The following FREM1 variants were observed in gnomAD, a reference collection of about 807,000 sequenced individuals.
The protein encoded by FREM1 is FRAS1-related extracellular matrix protein 1.
Under a neutral mutation model 210.1 loss-of-function variants are expected in FREM1, and 220 were observed. The observed-to-expected ratio is 1.05, with a 90% CI of 0.94 to 1.17. The LOEUF (loss-of-function observed/expected upper bound fraction) is 1.17, where lower values mean the gene tolerates loss of function less well. Ranked by LOEUF, FREM1 falls within the 50% of genes most tolerant of loss-of-function variation. FREM1 has a pLI of 0.00. For missense variants in FREM1, 3,454 were observed against 2,675.5 expected (o/e 1.29, Z -6.42); for synonymous variants, 1,189 against 980.2 (o/e 1.21, Z -3.98).
intron 5 of FREM1, 109 bp from the exon 6 acceptor site, chr9:14,851,716 T>G: frequency 2.2e-6 from 2 of 900,720 alleles, no homozygotes; most frequent in Non-Finnish European, 3.6e-6. Context: ...CGTCTAGCAG[T>G]GACCTGAAGC....
chr9:14,868,753 G>T lies in FREM1; in HGVS notation c.225C>A (p.Leu75=). 3.1e-6 allele frequency: 5 copies of T among 1,607,784 alleles called. No homozygotes were observed. The highest frequency in any genetic ancestry group is 4.3e-6 in the Non-Finnish European group (5 of 1,176,004). The change falls in exon 2 of 37, where the codon CTC becomes CTA. Residue 75 remains leucine, a synonymous_variant. Coordinates refer to ENST00000380880, the MANE Select transcript of FREM1 (RefSeq NM_001379081.2). ...CGCAGATAGGACCTACCTGTGGAGT[G>T]AGTTTCCCAACCCTCTGGGTTATTG... ...NEPITQRVGK[L]TPQVFDCHFL...
intron 3 of FREM1, among the ~76,000 whole-genome samples, chr9:14,862,058 G>A (rs1188847211): frequency 6.6e-6 from 1 of 152,158 alleles, no homozygotes; most frequent in Non-Finnish European, 1.5e-5. Context: ...AAGATCAAAT[G>A]GCCCTGTATG....
intron 3 of FREM1, among the ~76,000 whole-genome samples, chr9:14,863,123 T>C (rs958501256): frequency 4.6e-5 from 7 of 151,980 alleles, no homozygotes; most frequent in African/African-American, 1.5e-4. Context: ...AGGCAGATCA[T>C]GTGGTCAGGA....
rs886063774 is a variant in FREM1 at position 14,909,931 on chromosome 9, T to C, written c.-285A>G. 6.6e-6 allele frequency: 1 copy of C among 152,230 alleles called. No individual in the cohort carries two copies. Among genetic ancestry groups the C allele is most frequent in the East Asian group, 1.9e-4 (1 of 5,202 alleles). The allele number at this position is 152,230 out of a possible 1,614,324, so 9.4% of individuals were successfully genotyped here. A position where few individuals can be genotyped will look rare whatever the true frequency, so the allele number is the denominator to read the frequency against. On this transcript the variant is annotated 5_prime_UTR_variant, in exon 1 of 37. Transcript: ENST00000380880. ...ATACTTACAGGTAGTGGTTTTCCTT[T>C]CCAAGACAAAAAGTTAGAAACCCTT...
chr9:14,812,986 C>A lies in FREM1; in HGVS notation c.2719G>T (p.Val907Leu). The stretch of plus-strand genomic sequence containing the variant: ...AAAATGTATTCAGAGGTGATGACCA[C>A]CTCTCCTCCCTCTGAGCAATTCATG... ...PVMNCSEGGEVVITSEYIFAT... is the reference protein window; with the variant it reads ...PVMNCSEGGELVITSEYIFAT... The change falls in exon 16 of 37, where the codon GTG becomes TTG. Residue 907 changes from valine to leucine, a missense_variant. Transcript: ENST00000380880. The A allele has an allele frequency of 6.2e-7, 1 of 1,613,916 alleles. No individual in the cohort carries two copies. Among genetic ancestry groups the A allele is most frequent in the Non-Finnish European group, 8.5e-7 (1 of 1,179,842 alleles).
intron 1 of FREM1, among the ~76,000 whole-genome samples, chr9:14,876,740 T>C (rs1833830538): frequency 6.6e-6 from 1 of 152,158 alleles, no homozygotes; most frequent in South Asian, 2.1e-4. Context: ...GTACCTCAGA[T>C]GGAAATACAG....
intron 5 of FREM1, among the ~76,000 whole-genome samples, chr9:14,852,799 T>C (rs1828017349): frequency 6.6e-6 from 1 of 152,210 alleles, no homozygotes; most frequent in African/African-American, 2.4e-5. Flanking sequence ...ATTAGTCCCA[T>C]ACTGCTGAAC....
intron 23 of FREM1, among the ~76,000 whole-genome samples, chr9:14,786,578 T>C (rs1850456978): frequency 6.6e-6 from 1 of 152,070 alleles, no homozygotes; most frequent in South Asian, 2.1e-4. Flanking sequence ...TAACTGGGAG[T>C]TGCTACTGGC....
In FREM1 at chr9:14,805,315, C is replaced by T. The variant is rs1442007165; in HGVS notation, c.3275-163G>A. On this transcript the variant is annotated intron_variant, in intron 18 of 36. Coordinates refer to ENST00000380880, the MANE Select transcript of FREM1 (RefSeq NM_001379081.2). ...TATCAAGGGCTGCTACAACAGCCAA[C>T]CATCAACATAAAGGCAGATATCCAC... 2.6e-5 allele frequency among the ~76,000 whole-genome samples: 4 copies of T among 152,268 alleles called. No individual in the cohort carries two copies. In the East Asian group the frequency reaches 7.7e-4, roughly 29 times the overall value.
rs1275095081 is a variant in FREM1, at chr9:14,757,372, T to A, written c.5335-926A>T. On this transcript the variant is annotated intron_variant, in intron 28 of 36. Coordinates refer to ENST00000380880, the MANE Select transcript of FREM1 (RefSeq NM_001379081.2). ...GAGTTCAAGACCAACCTGGCCAACA[T>A]GGTGAAACCCCGTCTCTACCAAAAA... 2.0e-5 allele frequency among the ~76,000 whole-genome samples: 3 copies of A among 152,096 alleles called. No homozygotes were observed. The East Asian group carries it at 5.8e-4, about 29-fold the overall frequency.
intron 1 of FREM1, among the ~76,000 whole-genome samples, chr9:14,891,290 A>G (rs893613966): frequency 6.6e-6 from 1 of 152,232 alleles, no homozygotes; most frequent in Non-Finnish European, 1.5e-5. Context: ...CATTCATTGT[A>G]CAAACAATTG....
chr9:14,784,388 A>G lies in FREM1; in HGVS notation c.4424T>C (p.Val1475Ala). The G allele has an allele frequency of 6.2e-7, 1 of 1,613,578 alleles. No homozygotes were observed. ...VCYVHKSKVT[V>A]SSDRFRFIIS... is the part of the protein sequence containing the mutation. ...GGCTCACCTGAATCTGTCACTGGAG[A>G]CAGTCACCTTGCTCTTGTGTACATA... The change falls in exon 24 of 37, where the codon GTC becomes GCC. Residue 1475 changes from valine (V) to alanine (A), a missense_variant. By Grantham distance (64) the Val-to-Ala change is moderately conservative. Coordinates refer to ENST00000380880, the MANE Select transcript of FREM1 (RefSeq NM_001379081.2).
intron 1 of FREM1, among the ~76,000 whole-genome samples, chr9:14,903,557 C>T (rs556184871): frequency 6.6e-6 from 1 of 152,208 alleles, no homozygotes; most frequent in African/African-American, 2.4e-5. Flanking sequence ...TCCGTAAGAC[C>T]TCATCATTTC....
chr9:14,797,781 T>A, intron 20 of FREM1, 139 bp from the exon 21 acceptor site: 2 of 585,472 alleles, frequency 3.4e-6, no homozygotes, highest in Non-Finnish European at 5.7e-6. Context: ...AAATTAAACT[T>A]GTTTTATGAA....
At chr9:14,821,155 C>A (rs188641753) in intron 13 of FREM1, among the ~76,000 whole-genome samples, 4 of 152,256 alleles carry the variant, frequency 2.6e-5, no homozygotes, top group African/African-American at 9.6e-5. Context: ...ACTTGGCCAG[C>A]TCTCTGCAGG....
intron 8 of FREM1, among the ~76,000 whole-genome samples, chr9:14,845,698 A>T (rs1826482094): frequency 6.6e-6 from 1 of 152,250 alleles, no homozygotes; most frequent in African/African-American, 2.4e-5. Flanking sequence ...TATACTTACA[A>T]GAAGCCATGC....
intron 35 of FREM1, among the ~76,000 whole-genome samples, chr9:14,740,956 C>T (rs962262079): frequency 6.6e-6 from 1 of 151,934 alleles, no homozygotes; most frequent in Non-Finnish European, 1.5e-5. Context: ...AAGTAAGAAG[C>T]CACTAAGTAA....
rs781033017 is a variant in FREM1, at chr9:14,824,979, T to C, written c.1895A>G (p.His632Arg). ...NLSVPQVATI[H>R]ITPVDDQLPK... The stretch of plus-strand genomic sequence containing the variant: ...AAGCTGGTCATCCACTGGAGTTATA[T>C]GGATTGTTGCCACCTGGAATAAAAA... The change falls in exon 11 of 37, where the codon CAT becomes CGT. Residue 632 changes from histidine to arginine, a missense_variant. Transcript: ENST00000380880. The C allele has an allele frequency of 6.3e-6, 10 of 1,578,942 alleles. No individual in the cohort carries two copies. Among genetic ancestry groups the C allele is most frequent in the East Asian group, 2.2e-5 (1 of 44,568 alleles).
rs546710386 is a variant in FREM1 at position 14,851,666 on chromosome 9, C to G, written c.829-59G>C. 3.3e-5 allele frequency: 41 copies of G among 1,241,078 alleles called. No homozygotes were observed. In the Admixed American group the frequency reaches 6.9e-4, roughly 21 times the overall value. 76.9% of individuals were successfully genotyped at this position (1,241,078 alleles called of 1,614,324 possible). Reference sequence around the variant, plus strand: ...ATAATATGAATGAGGTGATATCATACAGGGCTAATAGCATAATATTTAATA... The same window carrying G: ...ATAATATGAATGAGGTGATATCATAGAGGGCTAATAGCATAATATTTAATA... On this transcript the variant is annotated intron_variant, in intron 5 of 36. Transcript: ENST00000380880.
Sources: gnomAD v4.1 joint callset for allele counts (sites outside exome capture counted in the v4.1 genomes callset) on GRCh38, gnomAD v4.1.1 for gene constraint, MANE v1.5 for transcripts, NCBI Gene and HGNC (gene_info 2026-07-23, HGNC 2026-07-21) for gene names.